RASGRF2: variants seen among roughly 807,000 people sequenced by gnomAD.
RASGRF2 encodes ras-specific guanine nucleotide-releasing factor 2.
RASGRF2 carries 76 observed loss-of-function variants against 151.0 expected under a neutral mutation model. That is an observed-to-expected ratio of 0.50 (90% CI 0.42 to 0.61). RASGRF2 has a LOEUF of 0.61. Ranked by LOEUF, RASGRF2 falls within the 20% of genes least tolerant of loss-of-function variation. The probability of loss-of-function intolerance (pLI) is 0.00; values close to 1 mark genes in which losing one functional copy is unlikely to be tolerated. For missense variants in RASGRF2, 1,148 were observed against 1,564.6 expected, an observed-to-expected ratio of 0.73 and a Z score of 4.49; for synonymous variants, 504 against 566.5, an observed-to-expected ratio of 0.89 and a Z score of 1.57.
chr5:81,039,609 A>G (rs1419415442), intron 1 of RASGRF2, among the ~76,000 whole-genome samples: 1 of 152,188 alleles, frequency 6.6e-6, no homozygotes, highest in Admixed American at 6.5e-5. Flanking sequence ...AAAAGAAAAA[A>G]CAATATAGAG....
At chr5:81,080,307 C>T (rs1160323490) in intron 6 of RASGRF2, 107 bp downstream of exon 6, 11 of 1,516,748 alleles carry the variant, frequency 7.3e-6, no homozygotes, top group Non-Finnish European at 9.7e-6. Flanking sequence ...ACCCTGTTGA[C>T]CTGTGAGCTT....
intron 1 of RASGRF2, among the ~76,000 whole-genome samples, chr5:81,034,804 T>TGGGGGGGGGG (rs3991135): frequency 3.4e-5 from 3 of 89,344 alleles, no homozygotes; most frequent in Admixed American, 1.2e-4. Flanking sequence ...TGTTGTGGGG[T>TGGGGGGGGGG]GGGAGGGGGG....
intron 1 of RASGRF2, among the ~76,000 whole-genome samples, chr5:80,961,517 C>T (rs546276082): frequency 6.6e-6 from 1 of 152,180 alleles, no homozygotes; most frequent in Non-Finnish European, 1.5e-5. Context: ...GCTCCCAAGC[C>T]GGACAGACAC....
chr5:81,125,940 C>G (rs1253408517), intron 16 of RASGRF2, among the ~76,000 whole-genome samples: 1 of 152,256 alleles, frequency 6.6e-6, no homozygotes, highest in Non-Finnish European at 1.5e-5. Context: ...GTGCATCTGT[C>G]TACTTGCCAC....
At chr5:81,175,222 A>G (rs1352511399) in intron 17 of RASGRF2, among the ~76,000 whole-genome samples, 4 of 152,156 alleles carry the variant, frequency 2.6e-5, no homozygotes, top group Non-Finnish European at 5.9e-5. Flanking sequence ...TTATGGTACT[A>G]TATTTAGCAC....
intron 1 of RASGRF2, among the ~76,000 whole-genome samples, chr5:80,998,911 A>AT (rs954898291): frequency 4.6e-5 from 7 of 152,208 alleles, no homozygotes; most frequent in African/African-American, 1.7e-4. Flanking sequence ...CCCTCTCAAG[A>AT]TAACTTTTTT....
At chr5:81,057,477 A>G (rs1580262868) in intron 2 of RASGRF2, among the ~76,000 whole-genome samples, 1 of 152,062 alleles carries the variant, frequency 6.6e-6, no homozygotes, top group Non-Finnish European at 1.5e-5. Flanking sequence ...ACTTTTCAAC[A>G]TTTTATTTGA....
At chr5:81,122,499 T>C (rs1323247328) in intron 15 of RASGRF2, among the ~76,000 whole-genome samples, 1 of 152,170 alleles carries the variant, frequency 6.6e-6, no homozygotes, top group African/African-American at 2.4e-5. Context: ...AAAAGCAAAA[T>C]TGTGGCCATA....
chr5:81,146,849 C>T (rs1374648181), intron 17 of RASGRF2, among the ~76,000 whole-genome samples: 1 of 152,138 alleles, frequency 6.6e-6, no homozygotes. Context: ...TATTCTTTCC[C>T]ACTCTGTAGA....
intron 15 of RASGRF2, among the ~76,000 whole-genome samples, chr5:81,115,217 G>A (rs982880170): frequency 6.6e-6 from 1 of 152,088 alleles, no homozygotes; most frequent in Non-Finnish European, 1.5e-5. Flanking sequence ...AGCTTCCTGA[G>A]TGAAGTAGTT....
chr5:81,188,501 A>C (rs967641329), intron 18 of RASGRF2, among the ~76,000 whole-genome samples: 3 of 152,150 alleles, frequency 2.0e-5, no homozygotes, highest in African/African-American at 7.2e-5. Flanking sequence ...TTTAGTTATG[A>C]TATGGGGCAC....
intron 1 of RASGRF2, among the ~76,000 whole-genome samples, chr5:81,032,026 A>G (rs905886272): frequency 1.3e-5 from 2 of 152,224 alleles, no homozygotes; most frequent in African/African-American, 4.8e-5. Flanking sequence ...AAACACCTCT[A>G]TGCAAATAAA....
rs111546893 is a variant in RASGRF2 at position 80,976,656 on chromosome 5, C to T, written c.288+15630C>T. On this transcript the variant is annotated intron_variant, in intron 1 of 26. Coordinates refer to ENST00000265080, the MANE Select transcript of RASGRF2 (RefSeq NM_006909.3). ...ACTGTCTTCCTCCTGAACCTCTTGA[C>T]TTGCAGCTCAGGCTTCCTTCTTGGT... Among the ~76,000 whole-genome samples, 5 of 152,268 alleles carry T rather than the reference C, an allele frequency of 3.3e-5. 1 individual carries two copies. The highest frequency in any genetic ancestry group is 1.2e-4 in the African/African-American group (5 of 41,564).
chr5:81,205,899 C>G (rs941681574), intron 19 of RASGRF2, among the ~76,000 whole-genome samples: 13 of 152,102 alleles, frequency 8.5e-5, no homozygotes, highest in Non-Finnish European at 8.8e-5. Context: ...TACAAGTGCC[C>G]GCCACCTGCC....
chr5:80,961,338 G>C (rs1283122790), intron 1 of RASGRF2, among the ~76,000 whole-genome samples: 1 of 152,200 alleles, frequency 6.6e-6, no homozygotes, highest in African/African-American at 2.4e-5. Flanking sequence ...CTCTAGACCT[G>C]GCTCGCCAGA....
At chr5:81,021,571 TG>T (rs1749827874) in intron 1 of RASGRF2, among the ~76,000 whole-genome samples, 2 of 152,076 alleles carry the variant, frequency 1.3e-5, no homozygotes, top group African/African-American at 2.4e-5. Context: ...TGTGTGTGTG[TG>T]TGTGTGTGTC....
intron 1 of RASGRF2, among the ~76,000 whole-genome samples, chr5:80,969,377 G>GC (rs201931224): frequency 0.047 from 7,005 of 150,438 alleles, 539 homozygotes; most frequent in African/African-American, 0.16. Context: ...CTTGTGATCT[G>GC]CCCCCCTTGG....
chr5:81,196,547 T>C (rs931412358), intron 18 of RASGRF2, among the ~76,000 whole-genome samples: 3 of 152,150 alleles, frequency 2.0e-5, no homozygotes, highest in African/African-American at 2.4e-5. Context: ...AATAATAAAA[T>C]TACATTATGC....
intron 5 of RASGRF2, among the ~76,000 whole-genome samples, chr5:81,077,267 A>G (rs536994260): frequency 1.1e-4 from 17 of 152,352 alleles, no homozygotes; most frequent in Middle Eastern, 6.8e-3. Context: ...GACAAGGTCT[A>G]GAGTACAATC....
Sources: gnomAD v4.1 joint callset for allele counts (sites outside exome capture counted in the v4.1 genomes callset) on GRCh38, gnomAD v4.1.1 for gene constraint, MANE v1.5 for transcripts, NCBI Gene and HGNC (gene_info 2026-07-23, HGNC 2026-07-21) for gene names.